FANCB: variants seen among roughly 807,000 people sequenced by gnomAD.
FANCB encodes the protein Fanconi anemia group B protein.
FANCB carries 5 observed loss-of-function variants against 38.9 expected under a neutral mutation model. The observed-to-expected ratio is 0.13, with a 90% confidence interval of 0.07 to 0.27. The LOEUF is 0.27. Among genes scored for constraint, FANCB ranks in the 10% least tolerant of loss-of-function variants. The pLI is 1.00. For synonymous variants in FANCB, 236 were observed against 215.4 expected (o/e 1.10, Z -0.84); for missense variants, 573 against 602.7 (o/e 0.95, Z 0.52).
chrX:14,798,833 T>C, the FANCB span, among the ~76,000 whole-genome samples: 35 of 111,751 alleles, frequency 3.1e-4, no homozygotes, highest in Non-Finnish European at 5.6e-4. Context: ...TTTGTAGATA[T>C]GATTAAGAGA....
chrX:14,735,138 T>C, the FANCB span, among the ~76,000 whole-genome samples: 2 of 109,982 alleles, frequency 1.8e-5, no homozygotes, highest in African/African-American at 3.3e-5. Context: ...TCTAACCTTT[T>C]TTTCAAGGCT....
At chrX:14,796,393 C>CAT in the FANCB span, among the ~76,000 whole-genome samples, 1 of 101,352 alleles carries the variant, frequency 9.9e-6, no homozygotes, top group Non-Finnish European at 2.0e-5. Flanking sequence ...CACACACACA[C>CAT]ATAGGATATA....
At chrX:14,825,872 T>C in the FANCB span, among the ~76,000 whole-genome samples, 3 of 112,339 alleles carry the variant, frequency 2.7e-5, no homozygotes, top group Non-Finnish European at 5.6e-5. Flanking sequence ...ATCAGAAATA[T>C]CCTGCAAGTT....
chrX:14,757,300 T>C, the FANCB span, among the ~76,000 whole-genome samples: 1 of 111,998 alleles, frequency 8.9e-6, no homozygotes, highest in Non-Finnish European at 1.9e-5. Context: ...AGGTAAGATA[T>C]GGGATCAGTC....
chrX:14,768,159 A>G, the FANCB span, among the ~76,000 whole-genome samples: 1 of 111,888 alleles, frequency 8.9e-6, no homozygotes, highest in Non-Finnish European at 1.9e-5. Context: ...TTTTGGTTCC[A>G]TATTAATTTT....
the FANCB span, among the ~76,000 whole-genome samples, chrX:14,752,759 G>T: frequency 9.0e-6 from 1 of 111,731 alleles, no homozygotes; most frequent in Non-Finnish European, 1.9e-5. Context: ...AGAGGAAGCT[G>T]TATCAATTAT....
chrX:14,775,706 C>T, the FANCB span, among the ~76,000 whole-genome samples: 1 of 111,846 alleles, frequency 8.9e-6, no homozygotes, highest in African/African-American at 3.3e-5. Flanking sequence ...CAAAACAAAA[C>T]AAAATCCTGC....
the FANCB span, among the ~76,000 whole-genome samples, chrX:14,733,527 CCTCT>C: frequency 2.7e-5 from 3 of 111,407 alleles, 1 homozygote; most frequent in South Asian, 1.1e-3. Flanking sequence ...CCATTTGTGT[CCTCT>C]CTCATTTCCT....
chrX:14,786,136 A>G, the FANCB span, among the ~76,000 whole-genome samples: 1 of 111,049 alleles, frequency 9.0e-6, no homozygotes, highest in African/African-American at 3.3e-5. Flanking sequence ...ATACTCCTAC[A>G]TCAACTAGTC....
chrX:14,784,972 C>T, the FANCB span, among the ~76,000 whole-genome samples: 3,319 of 111,602 alleles, frequency 0.03, 48 homozygotes, highest in Non-Finnish European at 0.048. Context: ...AATGAGAACA[C>T]ATGGACACAG....
the FANCB span, among the ~76,000 whole-genome samples, chrX:14,825,854 T>C: frequency 8.9e-6 from 1 of 112,372 alleles, no homozygotes; most frequent in East Asian, 2.8e-4. Flanking sequence ...AATCAGAATT[T>C]GTGCTTAATC....
At chrX:14,729,527 T>C in the FANCB span, among the ~76,000 whole-genome samples, 2 of 111,863 alleles carry the variant, frequency 1.8e-5, no homozygotes, top group Admixed American at 9.5e-5. Context: ...TCAGCTAAAA[T>C]GACACATTTA....
At chrX:14,811,275 C>A in the FANCB span, among the ~76,000 whole-genome samples, 2 of 111,073 alleles carry the variant, frequency 1.8e-5, no homozygotes, top group Non-Finnish European at 3.8e-5. Flanking sequence ...GCAAAATAAC[C>A]AGCTAACATC....
the FANCB span, among the ~76,000 whole-genome samples, chrX:14,694,668 T>G: frequency 1.8e-5 from 2 of 112,244 alleles, no homozygotes; most frequent in African/African-American, 6.5e-5. Flanking sequence ...AGGTTCAGGA[T>G]TCTTTCATTT....
chrX:14,762,691 C>A, the FANCB span, among the ~76,000 whole-genome samples: 2 of 111,961 alleles, frequency 1.8e-5, no homozygotes, highest in African/African-American at 6.5e-5. Flanking sequence ...CTGGCTGATC[C>A]AGGAAAAGAC....
In FANCB at chrX:14,864,974, T is replaced by C; in HGVS notation, c.537A>G (p.Leu179=). The C allele has an allele frequency of 8.3e-7, 1 of 1,211,356 alleles. No homozygotes were observed. Among genetic ancestry groups the C allele is most frequent in the Non-Finnish European group, 1.1e-6 (1 of 895,225 alleles). Residue 179 remains leucine (L), a synonymous_variant, in exon 3 of 10, where the codon TTA becomes TTG. Transcript: ENST00000650831. The stretch of plus-strand genomic sequence containing the variant: ...CCTTTAGTCCCAATAAAACCATACC[T>C]AAATTTTCAATCTCCCCTGCCCACT... ...SIQWAGEIEN[L]GMVLLGLKEC... is the part of the protein sequence containing the mutation.
the FANCB span, among the ~76,000 whole-genome samples, chrX:14,702,258 A>ATGAT: frequency 8.9e-6 from 1 of 112,006 alleles, no homozygotes; most frequent in East Asian, 2.8e-4. Context: ...GGCTTTATAA[A>ATGAT]TGATAGAATG....
the FANCB span, among the ~76,000 whole-genome samples, chrX:14,810,469 A>G: frequency 8.9e-6 from 1 of 112,394 alleles, no homozygotes; most frequent in African/African-American, 3.2e-5. Flanking sequence ...AGAAGTGCTT[A>G]AAGGAGCTGA....
chrX:14,703,239 G>C, the FANCB span, among the ~76,000 whole-genome samples: 1 of 111,670 alleles, frequency 9.0e-6, no homozygotes, highest in Non-Finnish European at 1.9e-5. Context: ...ATACTCAGAG[G>C]CCATCTTTGG....
Sources: allele counts gnomAD v4.1 joint callset (sites outside exome capture counted in the v4.1 genomes callset), GRCh38; gene constraint gnomAD v4.1.1; transcripts MANE v1.5; gene names NCBI Gene and HGNC (gene_info 2026-07-23, HGNC 2026-07-21).